Variants in B3GNT3 observed in about 807,000 individuals in gnomAD.
B3GNT3 encodes UDP-GlcNAc:betaGal beta-1,3-N-acetylglucosaminyltransferase 3.
B3GNT3 carries 7 observed loss-of-function variants against 11.6 expected under a neutral mutation model. The observed-to-expected ratio is 0.60, with a 90% CI of 0.34 to 1.13. The LOEUF (loss-of-function observed/expected upper bound fraction) is 1.13, where lower values mean the gene tolerates loss of function less well. B3GNT3 is among the 50% of genes most tolerant of loss of function. The pLI, the probability that B3GNT3 is intolerant of heterozygous loss-of-function variation, is 0.03. For missense variants in B3GNT3, 400 were observed against 507.4 expected (o/e 0.79, Z 2.03); for synonymous variants, 201 against 222.1 (o/e 0.90, Z 0.85).
chr19:17,801,253 C>T (rs117328795), intron 1 of B3GNT3, among the ~76,000 whole-genome samples: 8,131 of 149,918 alleles, frequency 0.054, 261 homozygotes, highest in Middle Eastern at 0.074. Flanking sequence ...AGTACTGTGG[C>T]GAGATCATGG....
In B3GNT3 at chr19:17,813,227, T is replaced by C. The variant is rs533809775; in HGVS notation, c.*1105T>C. On this transcript the variant is annotated 3_prime_UTR_variant, in exon 3 of 3. Coordinates refer to ENST00000318683, the MANE Select transcript of B3GNT3 (RefSeq NM_014256.4). Reference sequence around the variant, plus strand: ...GCTCAGGGCTGTAATTCTAGCACATTGGGAGACCAAAGTGGGAGGATCACT... The same window carrying C: ...GCTCAGGGCTGTAATTCTAGCACATCGGGAGACCAAAGTGGGAGGATCACT... The C allele has an allele frequency of 6.6e-6, 1 of 152,132 alleles. No homozygotes were observed. Among genetic ancestry groups the C allele is most frequent in the African/African-American group, 2.4e-5 (1 of 41,520 alleles). 9.4% of individuals were successfully genotyped at this position (152,132 alleles called of 1,614,324 possible).
In B3GNT3 at chr19:17,798,297, T is replaced by G. The variant is rs567021233; in HGVS notation, c.-51+3091T>G. On this transcript the variant is annotated intron_variant, in intron 1 of 2. Coordinates refer to ENST00000318683, the MANE Select transcript of B3GNT3 (RefSeq NM_014256.4). The stretch of plus-strand genomic sequence containing the variant: ...TGTGTCCTCGGAACCTAGACCCAGA[T>G]GTGGCATACGCTAGGTGCTCAGCAC... 2.0e-5 allele frequency among the ~76,000 whole-genome samples: 3 copies of G among 152,328 alleles called. No homozygotes were observed. The East Asian group carries it at 5.8e-4, about 29-fold the overall frequency.
At position 17,808,158 on chromosome 19, in the gene B3GNT3, T is replaced by G. The variant is rs1296265596; in HGVS notation, c.351T>G (p.Pro117=). 1 of 1,612,188 alleles carries G rather than the reference T, an allele frequency of 6.2e-7. No homozygotes were observed. The highest frequency in any genetic ancestry group is 8.5e-7 in the Non-Finnish European group (1 of 1,179,022). The change falls in exon 2 of 3, where the codon CCT becomes CCG. Residue 117 remains proline (P), a synonymous_variant. Coordinates refer to ENST00000318683, the MANE Select transcript of B3GNT3 (RefSeq NM_014256.4). ...VFLLLVIKSS[P]SNYVRRELLR... The stretch of plus-strand genomic sequence containing the variant: ...TGCTGCTGGTGATCAAGTCCTCCCC[T>G]AGCAACTATGTGCGCCGCGAGCTGC...
chr19:17,801,708 T>C (rs2094166428), intron 1 of B3GNT3, among the ~76,000 whole-genome samples: 1 of 151,908 alleles, frequency 6.6e-6, no homozygotes, highest in South Asian at 2.1e-4. Context: ...GGTCTTGAAC[T>C]CTTGGGCTCA....
Position 17,813,448 on chromosome 19 carries a change from CAT to C in B3GNT3, c.*1328_*1329del, listed in dbSNP as rs1006435497. Among the ~76,000 whole-genome samples, 1 of 152,198 alleles carries C rather than the reference CAT, an allele frequency of 6.6e-6. No homozygotes were observed. The highest frequency in any genetic ancestry group is 6.6e-5 in the Admixed American group (1 of 15,256). On this transcript the variant is annotated 3_prime_UTR_variant, in exon 3 of 3. Transcript: ENST00000318683. ...CTGGGCGGCAATAAGAAGACAAAAA[CAT>C]AAAACAGGACATGTGTGAGGCAAAA...
Position 17,813,268 on chromosome 19 carries a change from T to C in B3GNT3, c.*1146T>C, listed in dbSNP as rs2094183560. Among the ~76,000 whole-genome samples the C allele has an allele frequency of 6.6e-6, 1 of 151,870 alleles. No homozygotes were observed. The highest frequency in any genetic ancestry group is 1.5e-5 in the Non-Finnish European group (1 of 67,956). On this transcript the variant is annotated 3_prime_UTR_variant, in exon 3 of 3. Coordinates refer to ENST00000318683, the MANE Select transcript of B3GNT3 (RefSeq NM_014256.4). Reference sequence around the variant, plus strand: ...GAGGATCACTTGAGCCCAGGAGTTCTGGATCCTGTCTCTGCACAAAATAAA... The same window carrying C: ...GAGGATCACTTGAGCCCAGGAGTTCCGGATCCTGTCTCTGCACAAAATAAA...
At chr19:17,806,340 ATTG>A (rs2094172965) in intron 1 of B3GNT3, among the ~76,000 whole-genome samples, 1 of 151,786 alleles carries the variant, frequency 6.6e-6, no homozygotes. Context: ...TGTTCTACTT[ATTG>A]TTATATTGAG....
At chr19:17,810,000 G>A (rs2094178541) in intron 2 of B3GNT3, among the ~76,000 whole-genome samples, 1 of 152,116 alleles carries the variant, frequency 6.6e-6, no homozygotes, top group South Asian at 2.1e-4. Flanking sequence ...TTTCTCTGGA[G>A]AGCCTCTGTT....
chr19:17,800,101 G>A (rs979842205), intron 1 of B3GNT3, among the ~76,000 whole-genome samples: 10 of 152,078 alleles, frequency 6.6e-5, no homozygotes, highest in South Asian at 6.2e-4. Context: ...GAGACTGGGC[G>A]CAGTGGCTCA....
In B3GNT3 at chr19:17,807,960, T is replaced by TCCTGCCC; in HGVS notation, c.155_156insTGCCCCC (p.Pro53AlafsTer52). On this transcript the variant is annotated frameshift_variant, in exon 2 of 3. Coordinates refer to ENST00000318683, the MANE Select transcript of B3GNT3 (RefSeq NM_014256.4). LOFTEE classifies it high-confidence loss of function. ...TCCCCGAGGCCCTGGCCTGGCCCACTCCACCCACCCGCCCAGCCCCGGCCC... is the reference window on the plus strand; with the variant it reads ...TCCCCGAGGCCCTGGCCTGGCCCACTCCTGCCCCCACCCACCCGCCCAGCCCCGGCCC... The TCCTGCCC allele has an allele frequency of 5.0e-6, 8 of 1,609,538 alleles. No individual in the cohort carries two copies. Among genetic ancestry groups the TCCTGCCC allele is most frequent in the Non-Finnish European group, 6.8e-6 (8 of 1,178,122 alleles).
At chr19:17,806,372 A>C (rs966035719) in intron 1 of B3GNT3, among the ~76,000 whole-genome samples, 1 of 152,080 alleles carries the variant, frequency 6.6e-6, no homozygotes, top group African/African-American at 2.4e-5. Flanking sequence ...TGGCTTGGTC[A>C]CAGCTGTATC....
chr19:17,795,882 CTG>C (rs1373937224), intron 1 of B3GNT3, among the ~76,000 whole-genome samples: 1 of 152,104 alleles, frequency 6.6e-6, no homozygotes, highest in African/African-American at 2.4e-5. Context: ...CTCAGTTTCC[CTG>C]TGTGTTAAGG....
chr19:17,800,809 A>C (rs750877720), intron 1 of B3GNT3, among the ~76,000 whole-genome samples: 38 of 151,930 alleles, frequency 2.5e-4, no homozygotes, highest in Admixed American at 4.6e-4. Context: ...TCTACTAAAA[A>C]TACAAAAATT....
At chr19:17,810,754 G>A (rs2094179580) in intron 2 of B3GNT3, among the ~76,000 whole-genome samples, 1 of 151,912 alleles carries the variant, frequency 6.6e-6, no homozygotes, top group Admixed American at 6.6e-5. Flanking sequence ...GGTGGTGCAT[G>A]CCTGTAATCC....
intron 1 of B3GNT3, among the ~76,000 whole-genome samples, chr19:17,799,850 T>C (rs2094163955): frequency 6.6e-6 from 1 of 152,034 alleles, no homozygotes; most frequent in African/African-American, 2.4e-5. Context: ...TAGCCCTATC[T>C]GGGCCTCAGT....
At position 17,812,504 on chromosome 19, in the gene B3GNT3, C is replaced by G; in HGVS notation, c.*382C>G. The G allele has an allele frequency of 5.1e-6, 1 of 197,046 alleles. No individual in the cohort carries two copies. Among genetic ancestry groups the G allele is most frequent in the South Asian group, 1.1e-4 (1 of 9,088 alleles). 12.2% of individuals were successfully genotyped at this position (197,046 alleles called of 1,614,324 possible). ...CAGTGCACCTGCAGTGGTTTAATGG[C>G]AGATAAGCTCCGTCTGCAGTTCCAG... On this transcript the variant is annotated 3_prime_UTR_variant, in exon 3 of 3. Coordinates refer to ENST00000318683, the MANE Select transcript of B3GNT3 (RefSeq NM_014256.4).
chr19:17,796,262 AT>A (rs962013437), intron 1 of B3GNT3, among the ~76,000 whole-genome samples: 3 of 151,862 alleles, frequency 2.0e-5, no homozygotes, highest in Non-Finnish European at 4.4e-5. Flanking sequence ...TAATTTTAAA[AT>A]TTTTTTGTGT....
Position 17,807,893 on chromosome 19 carries a change from T to TGTC in B3GNT3, c.87_89dup (p.Ser30dup), listed in dbSNP as rs2094175282. Reference sequence around the variant, plus strand: ...ACCCTCCTCCTCTTCAGTCTGCTAGTGTCACCACCCACCTGCAAGGTCCAG... The same window carrying TGTC: ...ACCCTCCTCCTCTTCAGTCTGCTAGTGTCGTCACCACCCACCTGCAAGGTCCAG... On this transcript the variant is annotated inframe_insertion, in exon 2 of 3. Coordinates refer to ENST00000318683, the MANE Select transcript of B3GNT3 (RefSeq NM_014256.4). 1 of 1,613,440 alleles carries TGTC rather than the reference T, an allele frequency of 6.2e-7. No individual in the cohort carries two copies. Among genetic ancestry groups the TGTC allele is most frequent in the Admixed American group, 1.7e-5 (1 of 59,992 alleles).
chr19:17,798,670 C>CAA (rs60188630), intron 1 of B3GNT3, among the ~76,000 whole-genome samples: 1 of 140,772 alleles, frequency 7.1e-6, no homozygotes, highest in African/African-American at 2.6e-5. Flanking sequence ...GGCTCTGTCT[C>CAA]AAAAAAAAAA....
Sources: gnomAD v4.1 joint callset for allele counts (sites outside exome capture counted in the v4.1 genomes callset) on GRCh38, gnomAD v4.1.1 for gene constraint, MANE v1.5 for transcripts, NCBI Gene and HGNC (gene_info 2026-07-23, HGNC 2026-07-21) for gene names.